The following TACC1 variants were observed in gnomAD, a reference collection of about 807,000 sequenced individuals.
TACC1 encodes the protein transforming acidic coiled-coil containing protein 1, also known as transforming acidic coiled-coil-containing protein 1.
In TACC1, 48 loss-of-function variants were observed where a neutral mutation model predicts 84.4. The ratio of observed to expected loss-of-function variants is 0.57; its 90% CI spans 0.45 to 0.72. TACC1 has a LOEUF of 0.72. TACC1 is among the 30% of genes least tolerant of loss of function. TACC1 has a pLI of 0.00. For missense variants in TACC1, 920 were observed against 973.0 expected (o/e 0.95, Z 0.72); for synonymous variants, 372 against 376.3 (o/e 0.99, Z 0.13).
intron 3 of TACC1, among the ~76,000 whole-genome samples, chr8:38,780,494 G>A (rs1284691846): frequency 6.6e-6 from 1 of 151,980 alleles, no homozygotes; most frequent in Non-Finnish European, 1.5e-5. Flanking sequence ...ATAAATTCCT[G>A]TATCTTGTAA....
At position 38,843,071 on chromosome 8, in the gene TACC1, C is replaced by T. The variant is rs142633101; in HGVS notation, c.2122-218C>T. On this transcript the variant is annotated intron_variant, in intron 10 of 12. Transcript: ENST00000317827. ...AAAGTAGGCATATTGGTATAACTGA[C>T]CCTTACTGTATGATATTGAAAATTA... Among the ~76,000 whole-genome samples the T allele has an allele frequency of 6.3e-3, 961 of 152,248 alleles. 28 individuals carry two copies. Among genetic ancestry groups the T allele is most frequent in the Admixed American group, 0.047 (726 of 15,298 alleles).
intron 8 of TACC1, 27 bp from the exon 9 acceptor site, chr8:38,840,197 G>A (rs1396313094): frequency 1.3e-6 from 2 of 1,577,770 alleles, no homozygotes; most frequent in South Asian, 1.1e-5. Context: ...TCCTCCTCTG[G>A]TAATAAGTTC....
intron 2 of TACC1, among the ~76,000 whole-genome samples, chr8:38,812,551 G>A (rs1587904622): frequency 6.6e-6 from 1 of 152,096 alleles, no homozygotes; most frequent in East Asian, 1.9e-4. Flanking sequence ...AAAGCCCCTA[G>A]AATAAAATAC....
intron 3 of TACC1, among the ~76,000 whole-genome samples, chr8:38,772,378 T>C (rs902844433): frequency 6.6e-6 from 1 of 152,218 alleles, no homozygotes; most frequent in Admixed American, 6.5e-5. Flanking sequence ...AAGATAAGTG[T>C]GTGAAAAGAA....
chr8:38,768,845 TG>T (rs1459661695), intron 3 of TACC1, among the ~76,000 whole-genome samples: 1 of 147,548 alleles, frequency 6.8e-6, no homozygotes, highest in African/African-American at 2.5e-5. Context: ...AATGTGTGGG[TG>T]GGGGTGTGTG....
In TACC1 at chr8:38,851,065, T is replaced by G. The variant is rs1048497303; in HGVS notation, c.*3042T>G. ...GCCAGTGACCTACCCAAACCTTTTG[T>G]TCTGTAAAACTGCTCTGGAAATACC... is the stretch of plus-strand genomic sequence containing the variant. On this transcript the variant is annotated 3_prime_UTR_variant, in exon 13 of 13. Coordinates refer to ENST00000317827, the MANE Select transcript of TACC1 (RefSeq NM_006283.3). The G allele has an allele frequency of 2.0e-5, 3 of 152,474 alleles. No individual in the cohort carries two copies. Among genetic ancestry groups the G allele is most frequent in the Admixed American group, 2.0e-4 (3 of 15,274 alleles). 9.4% of individuals were successfully genotyped at this position (152,474 alleles called of 1,614,324 possible).
chr8:38,842,582 C>T, intron 10 of TACC1, 135 bp downstream of exon 10: 1 of 1,004,842 alleles, frequency 1.0e-6, no homozygotes, highest in South Asian at 1.9e-5. Context: ...GGCCTTGTAT[C>T]CTCTATTCCA....
At chr8:38,768,558 A>C (rs1812735555) in intron 3 of TACC1, among the ~76,000 whole-genome samples, 1 of 152,116 alleles carries the variant, frequency 6.6e-6, no homozygotes, top group Non-Finnish European at 1.5e-5. Flanking sequence ...TTCCTCCTCC[A>C]TCCTTGATAA....
At chr8:38,839,250 A>G (rs1225878092) in intron 8 of TACC1, 10 of 388,316 alleles carry the variant, frequency 2.6e-5, no homozygotes, top group Non-Finnish European at 4.1e-5. Flanking sequence ...CACCAAATAG[A>G]TGATAGAAAG....
In TACC1 at chr8:38,745,583, G is replaced by A. The variant is rs921235943; in HGVS notation, c.26+90G>A. 8.4e-5 allele frequency: 53 copies of A among 628,758 alleles called. 1 individual carries two copies. Among genetic ancestry groups the A allele is most frequent in the African/African-American group, 5.7e-4 (31 of 54,262 alleles). 38.9% of individuals were successfully genotyped at this position (628,758 alleles called of 1,614,324 possible). On this transcript the variant is annotated intron_variant, in intron 3 of 14. Coordinates refer to the TACC1 transcript ENST00000518415. The stretch of plus-strand genomic sequence containing the variant: ...TTTTGAGATGGAATCTTGCTCTGTC[G>A]CCCAGGCTGGAGTGCAGTGGCGCAA...
At chr8:38,838,590 C>T (rs769142897) in intron 8 of TACC1, 44 bp downstream of exon 8, 2 of 1,468,832 alleles carry the variant, frequency 1.4e-6, no homozygotes, top group Non-Finnish European at 1.9e-6. Flanking sequence ...CTTTTATGCA[C>T]TGTTAGATTT....
Position 38,850,807 on chromosome 8 carries a change from G to C in TACC1, c.*2784G>C, listed in dbSNP as rs1196294193. 1 of 151,222 alleles carries C rather than the reference G, an allele frequency of 6.6e-6. No homozygotes were observed. Among genetic ancestry groups the C allele is most frequent in the African/African-American group, 2.4e-5 (1 of 40,822 alleles). The allele number at this position is 151,222 out of a possible 1,614,324, so 9.4% of individuals were successfully genotyped here. ...AAAAAAAAAAAAAAAAAAACCAGGA[G>C]TGAAAAAGGAAAGTAGAAGGCAGCT... On this transcript the variant is annotated 3_prime_UTR_variant, in exon 13 of 13. Transcript: ENST00000317827.
chr8:38,792,692 C>T (rs1335344264), intron 2 of TACC1, among the ~76,000 whole-genome samples: 2 of 152,200 alleles, frequency 1.3e-5, no homozygotes, highest in African/African-American at 4.8e-5. Context: ...GTCTCGATCT[C>T]CTGACCTCGT....
intron 2 of TACC1, chr8:38,799,751 T>C (rs1820917548): frequency 1.3e-5 from 2 of 152,174 alleles, no homozygotes; most frequent in Non-Finnish European, 2.9e-5. Context: ...GTAAATAGAA[T>C]TTATGTAGCA....
At chr8:38,836,820 C>T (rs1588111684) in intron 7 of TACC1, among the ~76,000 whole-genome samples, 1 of 152,108 alleles carries the variant, frequency 6.6e-6, no homozygotes, top group South Asian at 2.1e-4. Context: ...TAATAAGTTG[C>T]CCACCCTCTC....
At chr8:38,796,174 G>A (rs1035772909) in intron 2 of TACC1, among the ~76,000 whole-genome samples, 2 of 152,224 alleles carry the variant, frequency 1.3e-5, no homozygotes, top group African/African-American at 4.8e-5. Context: ...CCATGATTCT[G>A]CGAGATAGGA....
chr8:38,757,209 G>GCGC, intron 3 of TACC1: 11 of 262,220 alleles, frequency 4.2e-5, no homozygotes, highest in Non-Finnish European at 8.3e-5. Flanking sequence ...ACGGCCGGGC[G>GCGC]CCCCACCCCG....
At chr8:38,778,159 T>C (rs1239887576) in intron 3 of TACC1, among the ~76,000 whole-genome samples, 3 of 152,110 alleles carry the variant, frequency 2.0e-5, no homozygotes, top group East Asian at 1.9e-4. Context: ...TGGTCCAGGC[T>C]GGTCTCAAAC....
At chr8:38,825,193 G>A in intron 3 of TACC1, 115 bp from the exon 4 acceptor site, 1 of 1,044,500 alleles carries the variant, frequency 9.6e-7, no homozygotes, top group African/African-American at 1.6e-5. Flanking sequence ...TATGATTTGT[G>A]TGGTGCTGTA....
Sources: gnomAD v4.1 joint callset for allele counts (sites outside exome capture counted in the v4.1 genomes callset) on GRCh38, gnomAD v4.1.1 for gene constraint, MANE v1.5 for transcripts, NCBI Gene and HGNC (gene_info 2026-07-23, HGNC 2026-07-21) for gene names.